The following ISOC1 variants were observed in gnomAD, a reference collection of about 807,000 sequenced individuals.
The protein encoded by ISOC1 is isochorismatase domain containing 1.
Under a neutral mutation model 30.0 loss-of-function variants are expected in ISOC1, and 33 were observed. That is an observed-to-expected ratio of 1.10 (90% CI 0.83 to 1.47). The LOEUF is 1.47. ISOC1 is among the 40% of genes most tolerant of loss of function. The probability of loss-of-function intolerance (pLI) is 0.00; values close to 1 mark genes in which losing one functional copy is unlikely to be tolerated. For missense variants in ISOC1, 372 were observed against 388.0 expected (o/e 0.96, Z 0.35); for synonymous variants, 178 against 159.8 (o/e 1.11, Z -0.86).
At chr5:129,100,539 C>T (rs546491946) in intron 1 of ISOC1, among the ~76,000 whole-genome samples, 2 of 152,204 alleles carry the variant, frequency 1.3e-5, no homozygotes, top group Admixed American at 6.5e-5. Context: ...CTTAAATATG[C>T]ATAGATCTGT....
At chr5:129,104,486 TA>T (rs1753611926) in intron 1 of ISOC1, among the ~76,000 whole-genome samples, 1 of 152,046 alleles carries the variant, frequency 6.6e-6, no homozygotes, top group Non-Finnish European at 1.5e-5. Context: ...AGGAATGGTA[TA>T]AAAAAAGAAA....
At position 129,105,005 on chromosome 5, in the gene ISOC1, G is replaced by A. The variant is rs767227539; in HGVS notation, c.359G>A (p.Cys120Tyr). The change falls in exon 2 of 5, where the codon TGT becomes TAT. Residue 120 changes from cysteine to tyrosine, a missense_variant. Coordinates refer to ENST00000173527, the MANE Select transcript of ISOC1 (RefSeq NM_016048.2). ...LTPSSTVFFC[C>Y]DMQERFRPAI... is the part of the protein sequence containing the mutation. ...CCTTCAAGCACTGTGTTTTTCTGCT[G>A]TGATATGCAGGAAAGGTTCAGACCA... The A allele has an allele frequency of 6.2e-7, 1 of 1,613,610 alleles. No homozygotes were observed. Among genetic ancestry groups the A allele is most frequent in the African/African-American group, 1.3e-5 (1 of 75,004 alleles).
chr5:129,106,493 A>G (rs1396609248), intron 3 of ISOC1, among the ~76,000 whole-genome samples: 1 of 152,188 alleles, frequency 6.6e-6, no homozygotes, highest in African/African-American at 2.4e-5. Flanking sequence ...CCTTTACTAC[A>G]GAGTGCCTCA....
At position 129,095,743 on chromosome 5, in the gene ISOC1, C is replaced by T. The variant is rs557308881; in HGVS notation, c.309+668C>T. On this transcript the variant is annotated intron_variant, in intron 1 of 4. Coordinates refer to ENST00000173527, the MANE Select transcript of ISOC1 (RefSeq NM_016048.2). Reference sequence around the variant, plus strand: ...TAATTCCTTCTTGAATACAAATACCCAACTTAAGCTAGACCTTGAGTTCCT... The same window carrying T: ...TAATTCCTTCTTGAATACAAATACCTAACTTAAGCTAGACCTTGAGTTCCT... Among the ~76,000 whole-genome samples the T allele has an allele frequency of 2.6e-5, 4 of 152,314 alleles. No homozygotes were observed. In the South Asian group the frequency reaches 8.3e-4, roughly 32 times the overall value.
chr5:129,100,253 T>TG (rs3839336), intron 1 of ISOC1, among the ~76,000 whole-genome samples: 107,372 of 152,056 alleles, frequency 0.71, 39,137 homozygotes, highest in African/African-American at 0.88. Flanking sequence ...TAATTTGCTA[T>TG]GGGCTGGGTG....
At chr5:129,100,892 C>A (rs1753562185) in intron 1 of ISOC1, among the ~76,000 whole-genome samples, 1 of 148,676 alleles carries the variant, frequency 6.7e-6, no homozygotes, top group African/African-American at 2.5e-5. Flanking sequence ...CCCCAAATAT[C>A]ATAGCATAGG....
Position 129,105,935 on chromosome 5 carries a change from AT to A in ISOC1, c.633+549del, listed in dbSNP as rs560061641. Among the ~76,000 whole-genome samples, 289 of 152,334 alleles carry A rather than the reference AT, an allele frequency of 1.9e-3. 1 individual carries two copies. Among genetic ancestry groups the A allele is most frequent in the Middle Eastern group, 3.4e-3 (1 of 294 alleles). ...CAACTATTAAACTAAAATTTTAAAA[AT>A]TAAGAAAAAACCACTAAAACAATGA... On this transcript the variant is annotated intron_variant, in intron 3 of 4. Transcript: ENST00000173527.
At chr5:129,103,066 C>T (rs1312028731) in intron 1 of ISOC1, among the ~76,000 whole-genome samples, 1 of 152,110 alleles carries the variant, frequency 6.6e-6, no homozygotes, top group African/African-American at 2.4e-5. Context: ...GGCTTACTTG[C>T]ATTATGGTTA....
intron 1 of ISOC1, among the ~76,000 whole-genome samples, chr5:129,098,278 ACTT>A (rs1753531350): frequency 6.6e-6 from 1 of 152,128 alleles, no homozygotes; most frequent in Admixed American, 6.5e-5. Context: ...GTTTTTGGTG[ACTT>A]CTTTTCTTAA....
rs776026043 is a variant in ISOC1, at chr5:129,094,873, C to A, written c.107C>A (p.Ala36Glu). The A allele has an allele frequency of 6.3e-7, 1 of 1,598,476 alleles. No individual in the cohort carries two copies. Among genetic ancestry groups the A allele is most frequent in the South Asian group, 1.1e-5 (1 of 88,456 alleles). The change falls in exon 1 of 5, where the codon GCG (alanine) becomes GAG (glutamate). Residue 36 changes from alanine to glutamate, a missense_variant. By Grantham distance (107) the Ala-to-Glu change is moderately radical. Transcript: ENST00000173527. ...VPVLFCFSVFARPSSVPHGAG... is the reference protein window; with the variant it reads ...VPVLFCFSVFERPSSVPHGAG... The stretch of plus-strand genomic sequence containing the variant: ...GTGCTCTTCTGTTTCTCAGTCTTCG[C>A]GCGACCCTCGTCGGTGCCACACGGG...
At chr5:129,107,209 G>A (rs534451745) in intron 4 of ISOC1, 147 bp downstream of exon 4, 134 of 619,532 alleles carry the variant, frequency 2.2e-4, no homozygotes, top group Non-Finnish European at 3.5e-4. Context: ...ACTGTGCACT[G>A]ACTGACCCTT....
chr5:129,105,054 T>C lies in ISOC1; in HGVS notation c.408T>C (p.Ile136=), dbSNP rs1753618189. ...CAGCCATCAAGTATTTTGGGGATAT[T>C]ATTAGCGTGGGACAGAGATTGGTAT... ...FRPAIKYFGD[I]ISVGQRLLQG... is the part of the protein sequence containing the mutation. The change falls in exon 2 of 5, where the codon ATT becomes ATC. Residue 136 remains isoleucine, a synonymous_variant. Coordinates refer to ENST00000173527, the MANE Select transcript of ISOC1 (RefSeq NM_016048.2). 2 of 1,613,926 alleles carry C rather than the reference T, an allele frequency of 1.2e-6. No homozygotes were observed. Among genetic ancestry groups the C allele is most frequent in the Non-Finnish European group, 1.7e-6 (2 of 1,179,830 alleles).
At position 129,094,775 on chromosome 5, in the gene ISOC1, T is replaced by C; in HGVS notation, c.9T>C (p.Ala3=). 1.3e-6 allele frequency: 2 copies of C among 1,502,154 alleles called. No individual in the cohort carries two copies. The highest frequency in any genetic ancestry group is 2.5e-5 in the South Asian group (2 of 80,422). 93.1% of individuals were successfully genotyped at this position (1,502,154 alleles called of 1,614,324 possible). The part of the protein sequence containing the change: MA[A]AEPAVLALPN... ...CAGACGCTCGGGGGAACATGGCGGC[T>C]GCGGAGCCGGCGGTCCTTGCGCTCC... The change falls in exon 1 of 5, where the codon GCT becomes GCC. Residue 3 remains alanine (A), a synonymous_variant. Transcript: ENST00000173527.
intron 4 of ISOC1, among the ~76,000 whole-genome samples, chr5:129,109,730 T>C (rs565960640): frequency 6.6e-6 from 1 of 152,320 alleles, no homozygotes; most frequent in East Asian, 1.9e-4. Context: ...GGAGGCGATA[T>C]ACCTTGTTCC....
At chr5:129,102,575 CTTGACCATT>C (rs1443657826) in intron 1 of ISOC1, among the ~76,000 whole-genome samples, 3 of 152,154 alleles carry the variant, frequency 2.0e-5, no homozygotes, top group African/African-American at 7.2e-5. Context: ...TTAAAAATAT[CTTGACCATT>C]TTATAATGTA....
Position 129,105,301 on chromosome 5 carries a change from G to A in ISOC1, c.546G>A (p.Lys182=), listed in dbSNP as rs1053409777. Residue 182 remains lysine, a synonymous_variant, in exon 3 of 5, where the codon AAG becomes AAA. Coordinates refer to ENST00000173527, the MANE Select transcript of ISOC1 (RefSeq NM_016048.2). ...DLTGVKLVLP[K]TKFSMVLPEV... ...CAGGTGTAAAACTGGTACTTCCAAA[G>A]ACCAAGTTTTCAATGGTATTACCAG... The A allele has an allele frequency of 1.2e-6, 2 of 1,613,722 alleles. No individual in the cohort carries two copies. Among genetic ancestry groups the A allele is most frequent in the Admixed American group, 1.7e-5 (1 of 59,972 alleles).
chr5:129,102,373 G>A (rs1753583047), intron 1 of ISOC1, among the ~76,000 whole-genome samples: 1 of 152,152 alleles, frequency 6.6e-6, no homozygotes, highest in African/African-American at 2.4e-5. Context: ...TCCCAGGGCA[G>A]TGAGGATTTT....
chr5:129,101,192 A>AAAAAAAAATATAT (rs1554064627), intron 1 of ISOC1, among the ~76,000 whole-genome samples: 6 of 42,230 alleles, frequency 1.4e-4, no homozygotes, highest in Non-Finnish European at 1.4e-4. Flanking sequence ...AAAAAAAAAA[A>AAAAAAAAATATAT]ATATATATAT....
At chr5:129,099,632 A>G (rs1189880312) in intron 1 of ISOC1, among the ~76,000 whole-genome samples, 1 of 152,178 alleles carries the variant, frequency 6.6e-6, no homozygotes, top group African/African-American at 2.4e-5. Flanking sequence ...TATTATGTTA[A>G]CATAACAAGT....
Sources: allele counts gnomAD v4.1 joint callset (sites outside exome capture counted in the v4.1 genomes callset), GRCh38; gene constraint gnomAD v4.1.1; transcripts MANE v1.5; gene names NCBI Gene and HGNC (gene_info 2026-07-23, HGNC 2026-07-21).